Variants in SH3RF1 observed in about 807,000 individuals in gnomAD.
SH3RF1 encodes the protein E3 ubiquitin-protein ligase SH3RF1.
In SH3RF1, 32 loss-of-function variants were observed where a neutral mutation model predicts 74.0. That is an observed-to-expected ratio of 0.43 (90% CI 0.33 to 0.58). The LOEUF (loss-of-function observed/expected upper bound fraction) is 0.58, where lower values mean the gene tolerates loss of function less well. SH3RF1 is among the 20% of genes least tolerant of loss of function. The pLI, the probability that SH3RF1 is intolerant of heterozygous loss-of-function variation, is 0.05. For synonymous variants in SH3RF1, 396 were observed against 439.6 expected, an observed-to-expected ratio of 0.90 and a Z score of 1.24; for missense variants, 954 against 1,130.9, an observed-to-expected ratio of 0.84 and a Z score of 2.24.
chr4:169,201,246 T>A (rs762203525), intron 2 of SH3RF1, among the ~76,000 whole-genome samples: 4 of 152,226 alleles, frequency 2.6e-5, no homozygotes, highest in Non-Finnish European at 5.9e-5. Flanking sequence ...GGCCTCTCCA[T>A]CTACTGCCAG....
intron 2 of SH3RF1, among the ~76,000 whole-genome samples, chr4:169,226,226 A>G (rs1389069684): frequency 6.6e-6 from 1 of 152,212 alleles, no homozygotes; most frequent in African/African-American, 2.4e-5. Flanking sequence ...CCCCCCAGAC[A>G]ATGCAAATCA....
chr4:169,218,656 A>T (rs1182430154), intron 2 of SH3RF1, among the ~76,000 whole-genome samples: 1 of 151,586 alleles, frequency 6.6e-6, no homozygotes, highest in African/African-American at 2.4e-5. Context: ...CCACCATCTC[A>T]ATCTAAAATG....
intron 2 of SH3RF1, among the ~76,000 whole-genome samples, chr4:169,248,186 C>T (rs1731040340): frequency 6.6e-6 from 1 of 152,172 alleles, no homozygotes; most frequent in Admixed American, 6.5e-5. Context: ...GACACATGCA[C>T]ACGTATGTTT....
intron 2 of SH3RF1, among the ~76,000 whole-genome samples, chr4:169,228,076 T>C (rs1730678418): frequency 6.6e-6 from 1 of 152,206 alleles, no homozygotes; most frequent in African/African-American, 2.4e-5. Flanking sequence ...TTCTACTTTT[T>C]CAGCTGTTTC....
chr4:169,224,380 C>T (rs530041856), intron 2 of SH3RF1, among the ~76,000 whole-genome samples: 8 of 149,346 alleles, frequency 5.4e-5, no homozygotes, highest in East Asian at 4.0e-4. Flanking sequence ...TGCAATGGTG[C>T]GATCTTGGCT....
intron 2 of SH3RF1, among the ~76,000 whole-genome samples, chr4:169,263,838 C>T (rs147616582): frequency 6.6e-4 from 101 of 152,340 alleles, no homozygotes; most frequent in African/African-American, 2.4e-3. Flanking sequence ...TCCTCCAGAA[C>T]TTTCTGTGCA....
chr4:169,262,547 A>G (rs906655473), intron 2 of SH3RF1, among the ~76,000 whole-genome samples: 6 of 152,132 alleles, frequency 3.9e-5, no homozygotes, highest in Admixed American at 6.5e-5. Flanking sequence ...GGCGCCTGTA[A>G]TCCCAGCTAC....
chr4:169,116,153 C>A (rs1733327637), intron 10 of SH3RF1, 116 bp downstream of exon 10: 2 of 1,461,444 alleles, frequency 1.4e-6, no homozygotes, highest in Non-Finnish European at 1.8e-6. Flanking sequence ...GTAGGGAGCA[C>A]CTGAGGGTTT....
chr4:169,221,490 G>C (rs1730563690), intron 2 of SH3RF1, among the ~76,000 whole-genome samples: 1 of 152,064 alleles, frequency 6.6e-6, no homozygotes, highest in Admixed American at 6.6e-5. Context: ...TATAACATAA[G>C]ATATACCATA....
intron 2 of SH3RF1, among the ~76,000 whole-genome samples, chr4:169,211,088 C>CA (rs1181705257): frequency 6.6e-6 from 1 of 152,144 alleles, no homozygotes; most frequent in Non-Finnish European, 1.5e-5. Context: ...GGACAAAAGA[C>CA]AAAACACTTA....
At chr4:169,215,885 C>T (rs957461765) in intron 2 of SH3RF1, among the ~76,000 whole-genome samples, 1 of 151,924 alleles carries the variant, frequency 6.6e-6, no homozygotes, top group Non-Finnish European at 1.5e-5. Context: ...CTCACTGCAG[C>T]CTCAACCTCC....
At chr4:169,102,915 C>CTTTTTTTTTT (rs66574732) in intron 11 of SH3RF1, among the ~76,000 whole-genome samples, 9 of 66,884 alleles carry the variant, frequency 1.3e-4, no homozygotes, top group Admixed American at 2.6e-4. Flanking sequence ...CAGTCACATT[C>CTTTTTTTTTT]TTTTTTTTTT....
rs1359346532 is a variant in SH3RF1, at chr4:169,229,162, C to T, written c.393+39658G>A. ...TTTGAGACAGGATCTTGTTCTGCGG[C>T]CCAGGCTGGAGTGCAGTGGCTTGTG... On this transcript the variant is annotated intron_variant, in intron 2 of 11. Coordinates refer to ENST00000284637, the MANE Select transcript of SH3RF1 (RefSeq NM_020870.4). Among the ~76,000 whole-genome samples the T allele has an allele frequency of 5.9e-5, 9 of 152,110 alleles. No homozygotes were observed. The East Asian group carries it at 1.7e-3, about 29-fold the overall frequency.
At chr4:169,132,874 C>T (rs1733641244) in intron 5 of SH3RF1, among the ~76,000 whole-genome samples, 1 of 152,206 alleles carries the variant, frequency 6.6e-6, no homozygotes, top group African/African-American at 2.4e-5. Flanking sequence ...CTTTTACAGA[C>T]ACTCATGTCA....
intron 8 of SH3RF1, among the ~76,000 whole-genome samples, chr4:169,120,519 C>G (rs143724767): frequency 3.9e-5 from 6 of 152,312 alleles, no homozygotes; most frequent in Admixed American, 3.9e-4. Context: ...CAACACTATG[C>G]CTTTTCTAGT....
At chr4:169,194,507 TA>T (rs1275174561) in intron 2 of SH3RF1, among the ~76,000 whole-genome samples, 2 of 152,230 alleles carry the variant, frequency 1.3e-5, no homozygotes, top group Non-Finnish European at 2.9e-5. Context: ...TTTTGATCTA[TA>T]TTATATTTGT....
chr4:169,165,415 C>G (rs1337060418), intron 2 of SH3RF1, among the ~76,000 whole-genome samples: 2 of 152,164 alleles, frequency 1.3e-5, no homozygotes, highest in African/African-American at 2.4e-5. Flanking sequence ...CATGCAGTGG[C>G]TCATGCCTGC....
intron 6 of SH3RF1, among the ~76,000 whole-genome samples, chr4:169,129,479 G>A (rs1019860360): frequency 1.5e-4 from 23 of 152,092 alleles, no homozygotes; most frequent in Admixed American, 1.3e-4. Context: ...GCAATTAGCC[G>A]TTTAGACTCT....
intron 1 of SH3RF1, among the ~76,000 whole-genome samples, chr4:169,270,345 C>G (rs1449904184): frequency 1.3e-5 from 2 of 152,166 alleles, no homozygotes; most frequent in East Asian, 3.9e-4. Flanking sequence ...CGGCAGGAGC[C>G]GGTCGCGGCC....
Sources: allele counts gnomAD v4.1 joint callset (sites outside exome capture counted in the v4.1 genomes callset), GRCh38; gene constraint gnomAD v4.1.1; transcripts MANE v1.5; gene names NCBI Gene and HGNC (gene_info 2026-07-23, HGNC 2026-07-21).